The following FBXO41 variants were observed in gnomAD, a reference collection of about 807,000 sequenced individuals.
The protein encoded by FBXO41 is F-box only protein 41.
In FBXO41, 33 loss-of-function variants were observed where a neutral mutation model predicts 81.6. That is an observed-to-expected ratio of 0.40 (90% CI 0.31 to 0.54). FBXO41 has a LOEUF of 0.54. Ranked by LOEUF, FBXO41 falls within the 20% of genes least tolerant of loss-of-function variation. The probability of loss-of-function intolerance (pLI) is 0.39; values close to 1 mark genes in which losing one functional copy is unlikely to be tolerated. For synonymous variants in FBXO41, 576 were observed against 552.7 expected, an observed-to-expected ratio of 1.04 and a Z score of -0.59; for missense variants, 1,107 against 1,236.0, an observed-to-expected ratio of 0.90 and a Z score of 1.56.
At position 73,263,829 on chromosome 2, in the gene FBXO41, C is replaced by T. The variant is rs1688116768; in HGVS notation, c.1924G>A (p.Gly642Ser). 6.2e-7 allele frequency: 1 copy of T among 1,614,052 alleles called. No homozygotes were observed. The highest frequency in any genetic ancestry group is 1.7e-5 in the Admixed American group (1 of 60,030). Reference protein sequence around the residue: ...SKEEYARSTRGCLEAGLESLL... With the variant: ...SKEEYARSTRSCLEAGLESLL... The stretch of plus-strand genomic sequence containing the variant: ...GACTCCAGCCCAGCTTCCAGGCAGC[C>T]CCTGGGGATGACCAAGAGGTCAGAG... Residue 642 changes from glycine to serine, a missense_variant and splice_region_variant, in exon 8 of 13, where the codon GGC becomes AGC. Physicochemically the swap from Gly to Ser is moderately conservative, Grantham distance 56 (BLOSUM62 0). Around this residue, in one of 2 missense-constraint regions of FBXO41, gnomAD observed 336 missense variants for 446.7 expected, o/e 0.75. Transcript: ENST00000520530.
Position 73,260,634 on chromosome 2 carries a change from C to A in FBXO41, c.2291-87G>T. 1 of 1,534,838 alleles carries A rather than the reference C, an allele frequency of 6.5e-7. No individual in the cohort carries two copies. Among genetic ancestry groups the A allele is most frequent in the Non-Finnish European group, 8.8e-7 (1 of 1,136,090 alleles). On this transcript the variant is annotated intron_variant, in intron 10 of 12. Coordinates refer to ENST00000520530, the MANE Select transcript of FBXO41 (RefSeq NM_001371389.2). This position sits in a 1 kb window ranked among gnomAD's most constrained non-coding sequence, Gnocchi z 5.0. ...ACCCTGGCTACCACCCTGCCACCTG[C>A]CACCACCCAGGCTGCAGCCCCAAGC...
At chr2:73,276,612 G>C (rs1427342849) in intron 1 of FBXO41, among the ~76,000 whole-genome samples, 3 of 85,432 alleles carry the variant, frequency 3.5e-5, no homozygotes, top group Non-Finnish European at 6.0e-5. Context: ...GAGGGAGAGA[G>C]GGAGAGAGGG....
In FBXO41 at chr2:73,265,271, C is replaced by T; in HGVS notation, c.1564+11G>A. The T allele has an allele frequency of 6.3e-7, 1 of 1,589,886 alleles. No individual in the cohort carries two copies. The highest frequency in any genetic ancestry group is 8.5e-7 in the Non-Finnish European group (1 of 1,170,480). ...GACCTGTGTCCCCCTGCCCAGCCTT[C>T]CGGGACCTACCTGAGAGCCGGCAGC... On this transcript the variant is annotated intron_variant, in intron 5 of 12. Coordinates refer to ENST00000520530, the MANE Select transcript of FBXO41 (RefSeq NM_001371389.2).
intron 9 of FBXO41, among the ~76,000 whole-genome samples, chr2:73,262,665 T>A (rs1331568085): frequency 2.6e-5 from 4 of 152,252 alleles, no homozygotes; most frequent in Non-Finnish European, 5.9e-5. Context: ...TTTGAGAAAC[T>A]AAGACATGAT....
rs1687742678 is a variant in FBXO41 at position 73,254,765 on chromosome 2, A to ATT, written c.*4216_*4217insAA. ...TGCCCATGTGAGTCCTTTTAAATAC[A>ATT]TACACTCAGGTACATTCAGCAAAGG... On this transcript the variant is annotated 3_prime_UTR_variant, in exon 13 of 13. Coordinates refer to ENST00000520530, the MANE Select transcript of FBXO41 (RefSeq NM_001371389.2). 1 of 152,640 alleles carries ATT rather than the reference A, an allele frequency of 6.6e-6. No individual in the cohort carries two copies. The highest frequency in any genetic ancestry group is 2.1e-4 in the South Asian group (1 of 4,828). 9.5% of individuals were successfully genotyped at this position (152,640 alleles called of 1,614,324 possible).
At position 73,280,749 on chromosome 2, in the gene FBXO41, G is replaced by A. The variant is rs543415308; in HGVS notation, c.-139+3411C>T. Among the ~76,000 whole-genome samples, 125 of 152,268 alleles carry A rather than the reference G, an allele frequency of 8.2e-4. 1 individual carries two copies. Among genetic ancestry groups the A allele is most frequent in the African/African-American group, 2.8e-3 (115 of 41,542 alleles). On this transcript the variant is annotated intron_variant, in intron 1 of 12. Coordinates refer to ENST00000520530, the MANE Select transcript of FBXO41 (RefSeq NM_001371389.2). Reference sequence around the variant, plus strand: ...GCACCTCTTCAAGGATGTGGTAGCAGACATCACATACTGATAATCATGGAC... The same window carrying A: ...GCACCTCTTCAAGGATGTGGTAGCAAACATCACATACTGATAATCATGGAC...
At chr2:73,276,541 G>A (rs1688684795) in intron 1 of FBXO41, among the ~76,000 whole-genome samples, 1 of 142,608 alleles carries the variant, frequency 7.0e-6, no homozygotes, top group South Asian at 2.2e-4. Context: ...AAAATAAACA[G>A]CTCTCTGGCA....
intron 1 of FBXO41, among the ~76,000 whole-genome samples, chr2:73,280,116 T>G (rs569992689): frequency 2.5e-5 from 3 of 121,094 alleles, no homozygotes; most frequent in Non-Finnish European, 5.3e-5. Flanking sequence ...CGACCCCCCC[T>G]GCCCCCGCCC....
chr2:73,266,841 C>T lies in FBXO41; in HGVS notation c.906-159G>A, dbSNP rs191555306. 1.3e-4 allele frequency: 153 copies of T among 1,174,966 alleles called. No homozygotes were observed. In the African/African-American group the frequency reaches 2.3e-3, roughly 17 times the overall value. 72.8% of individuals were successfully genotyped at this position (1,174,966 alleles called of 1,614,324 possible). On this transcript the variant is annotated intron_variant, in intron 2 of 12. Transcript: ENST00000520530. This position sits in a 1 kb window ranked among gnomAD's most constrained non-coding sequence, Gnocchi z 5.3. Reference sequence around the variant, plus strand: ...TGCAGAACAGGCCTAGCACACAGCCCCGCACGATGACACATACAGAAATGC... The same window carrying T: ...TGCAGAACAGGCCTAGCACACAGCCTCGCACGATGACACATACAGAAATGC...
chr2:73,265,046 A>G (rs554306088), intron 5 of FBXO41, among the ~76,000 whole-genome samples: 1 of 152,164 alleles, frequency 6.6e-6, no homozygotes, highest in Non-Finnish European at 1.5e-5. Flanking sequence ...AATGTTGATG[A>G]GCCTACCACG....
Position 73,256,690 on chromosome 2 carries a change from GGTGGTGCTCA to G in FBXO41, c.*2282_*2291del. 6.6e-6 allele frequency: 1 copy of G among 152,236 alleles called. No individual in the cohort carries two copies. Among genetic ancestry groups the G allele is most frequent in the African/African-American group, 2.4e-5 (1 of 41,440 alleles). 9.4% of individuals were successfully genotyped at this position (152,236 alleles called of 1,614,324 possible). ...TGTTCACCCCTCTGCCTCTAGTGCAGGTGGTGCTCAGTACTGTTGCACTAATGAATGAATG... is the reference window on the plus strand; with the variant it reads ...TGTTCACCCCTCTGCCTCTAGTGCAGGTACTGTTGCACTAATGAATGAATG... On this transcript the variant is annotated 3_prime_UTR_variant, in exon 13 of 13. Coordinates refer to ENST00000520530, the MANE Select transcript of FBXO41 (RefSeq NM_001371389.2).
chr2:73,271,272 T>A (rs1487264035), intron 1 of FBXO41: 2 of 280,938 alleles, frequency 7.1e-6, no homozygotes, highest in Non-Finnish European at 1.4e-5. Context: ...AACAGCACCC[T>A]GCTTTGACCA....
In FBXO41 at chr2:73,262,812, C is replaced by A. The variant is rs191411522; in HGVS notation, c.2171+401G>T. Among the ~76,000 whole-genome samples, 11 of 152,332 alleles carry A rather than the reference C, an allele frequency of 7.2e-5. No individual in the cohort carries two copies. The East Asian group carries it at 2.1e-3, about 29-fold the overall frequency. ...CCAGGCTGGAGTGCAATGGCACGAT[C>A]TCGGCTCACTGCAACCTCTGCCTCC... On this transcript the variant is annotated intron_variant, in intron 9 of 12. Coordinates refer to ENST00000520530, the MANE Select transcript of FBXO41 (RefSeq NM_001371389.2).
intron 9 of FBXO41, among the ~76,000 whole-genome samples, chr2:73,261,708 T>G (rs943856981): frequency 3.9e-5 from 6 of 152,214 alleles, no homozygotes; most frequent in Non-Finnish European, 7.3e-5. Context: ...CAAAAAAACC[T>G]AAATTCCTTA....
rs1264288844 is a variant in FBXO41, at chr2:73,259,412, AGAG to A, written c.2450-119_2450-117del. ...AGGTGCCAGCTACCGGGAACACGAC[AGAG>A]GAGAGCAGACTCATGCCACCTGGGG... On this transcript the variant is annotated intron_variant, in intron 11 of 12. Transcript: ENST00000520530. The surrounding 1 kb of genome is among the most constrained non-coding windows in gnomAD (Gnocchi z 4.2). The A allele has an allele frequency of 4.7e-5, 40 of 853,806 alleles. No homozygotes were observed. Among genetic ancestry groups the A allele is most frequent in the Non-Finnish European group, 7.3e-5 (39 of 530,790 alleles). The allele number at this position is 853,806 out of a possible 1,614,324, so 52.9% of individuals were successfully genotyped here.
intron 1 of FBXO41, among the ~76,000 whole-genome samples, chr2:73,278,842 A>G (rs944162095): frequency 2.6e-5 from 4 of 152,210 alleles, no homozygotes; most frequent in African/African-American, 9.7e-5. Context: ...TCCTTCAGGG[A>G]ACTAAAATGT....
In FBXO41 at chr2:73,257,475, T is replaced by TAA. The variant is rs1687857525; in HGVS notation, c.*1506_*1507insTT. 6.6e-6 allele frequency: 1 copy of TAA among 152,124 alleles called. No homozygotes were observed. The highest frequency in any genetic ancestry group is 6.5e-5 in the Admixed American group (1 of 15,272). 9.4% of individuals were successfully genotyped at this position (152,124 alleles called of 1,614,324 possible). On this transcript the variant is annotated 3_prime_UTR_variant, in exon 13 of 13. Coordinates refer to ENST00000520530, the MANE Select transcript of FBXO41 (RefSeq NM_001371389.2). This position sits in a 1 kb window ranked among gnomAD's most constrained non-coding sequence, Gnocchi z 4.6. ...AGCCAGGTTGTGTTAGGAAGTTGGG[T>TAA]CCCTGGGAAGGACTGGGTAACGAGG... is the stretch of plus-strand genomic sequence containing the variant.
Position 73,258,876 on chromosome 2 carries a change from A to G in FBXO41, c.*106T>C, listed in dbSNP as rs531969229. 6 of 1,240,556 alleles carry G rather than the reference A, an allele frequency of 4.8e-6. No homozygotes were observed. The Admixed American group carries it at 1.7e-4, about 34-fold the overall frequency. 76.8% of individuals were successfully genotyped at this position (1,240,556 alleles called of 1,614,324 possible). On this transcript the variant is annotated 3_prime_UTR_variant, in exon 13 of 13. Transcript: ENST00000520530. ...GACAGTCCCCCTCCAGAAGCCAGGG[A>G]TAACACTCGGCCTCCAAAGGTCTAG...
intron 9 of FBXO41, among the ~76,000 whole-genome samples, chr2:73,261,427 T>C (rs1688018845): frequency 6.6e-6 from 1 of 152,148 alleles, no homozygotes; most frequent in Non-Finnish European, 1.5e-5. Flanking sequence ...TCTCCCTGCA[T>C]CTCATCCTCC....
Sources: allele counts gnomAD v4.1 joint callset (sites outside exome capture counted in the v4.1 genomes callset), GRCh38; gene constraint gnomAD v4.1.1; regional missense constraint gnomAD v4.1.1; non-coding constraint Gnocchi (gnomAD v3.1); transcripts MANE v1.5; gene names NCBI Gene and HGNC (gene_info 2026-07-23, HGNC 2026-07-21).